GAB2: variants seen among roughly 807,000 people sequenced by gnomAD.
GAB2 encodes the protein GRB2 associated binding protein 2.
A neutral mutation model predicts 65.5 loss-of-function variants in GAB2; 26 were observed. The ratio of observed to expected loss-of-function variants is 0.40; its 90% CI spans 0.29 to 0.55. The LOEUF (loss-of-function observed/expected upper bound fraction) is 0.55, where lower values mean the gene tolerates loss of function less well. Ranked by LOEUF, GAB2 falls within the 20% of genes least tolerant of loss-of-function variation. The pLI is 0.53. For synonymous variants in GAB2, 321 were observed against 329.6 expected (o/e 0.97, Z 0.28); for missense variants, 884 against 875.8 (o/e 1.01, Z -0.12).
rs543448369 is a variant in GAB2 at position 78,291,736 on chromosome 11, A to AT, written c.76-10836_76-10835insA. On this transcript the variant is annotated intron_variant, in intron 1 of 9. Transcript: ENST00000361507. ...ACAGGATGCGCCATCATACCCAGTT[A>AT]ATTTTTTTTTTTAGAGATGGAGTCT... is the stretch of plus-strand genomic sequence containing the variant. Among the ~76,000 whole-genome samples the AT allele has an allele frequency of 4.9e-3, 659 of 133,380 alleles. 3 individuals are homozygous for AT. The highest frequency in any genetic ancestry group is 0.02 in the African/African-American group (639 of 32,084). The allele number at this position is 133,380 out of a possible 152,430, so 87.5% of individuals were successfully genotyped here.
At chr11:78,341,536 T>C (rs1287802158) in intron 1 of GAB2, among the ~76,000 whole-genome samples, 1 of 152,212 alleles carries the variant, frequency 6.6e-6, no homozygotes, top group African/African-American at 2.4e-5. Context: ...GAAGCAACCA[T>C]AATGATCCTG....
intron 1 of GAB2, among the ~76,000 whole-genome samples, chr11:78,375,145 A>G (rs1384861151): frequency 1.3e-5 from 2 of 152,178 alleles, no homozygotes; most frequent in East Asian, 3.8e-4. Flanking sequence ...CCTGGGCTCA[A>G]GCAATCCTCC....
chr11:78,280,400 A>G (rs1020973191), intron 2 of GAB2: 2 of 594,430 alleles, frequency 3.4e-6, no homozygotes, highest in African/African-American at 3.7e-5. Context: ...CAACCCCAAC[A>G]CTTTTTTTTG....
intron 2 of GAB2, among the ~76,000 whole-genome samples, chr11:78,276,111 C>CAAAAAAA (rs539148797): frequency 3.1e-5 from 3 of 97,356 alleles, no homozygotes; most frequent in Non-Finnish European, 6.4e-5. Context: ...AAGACTGTCT[C>CAAAAAAA]AAAAAAAAAA....
chr11:78,417,595 A>C (rs1392451146), intron 1 of GAB2, 51 bp downstream of exon 1: 2 of 935,832 alleles, frequency 2.1e-6, no homozygotes, highest in Non-Finnish European at 2.7e-6. Context: ...GCCCCTCCGC[A>C]GGCCCCGGAG....
At chr11:78,366,080 G>A (rs1856493328) in intron 1 of GAB2, among the ~76,000 whole-genome samples, 1 of 152,144 alleles carries the variant, frequency 6.6e-6, no homozygotes, top group Non-Finnish European at 1.5e-5. Flanking sequence ...TAAACTATAA[G>A]GTGGTGTAGA....
chr11:78,379,755 C>T (rs578198096), intron 1 of GAB2, among the ~76,000 whole-genome samples: 1 of 152,298 alleles, frequency 6.6e-6, no homozygotes, highest in East Asian at 1.9e-4. Context: ...TGAACAAATA[C>T]AACCCTGAAC....
intron 2 of GAB2, among the ~76,000 whole-genome samples, chr11:78,254,882 C>T (rs1865555370): frequency 6.6e-6 from 1 of 151,896 alleles, no homozygotes; most frequent in African/African-American, 2.4e-5. Flanking sequence ...CTAAAACTTG[C>T]CAAAATCCCA....
intron 1 of GAB2, among the ~76,000 whole-genome samples, chr11:78,380,604 C>T (rs1222161575): frequency 1.3e-5 from 2 of 152,192 alleles, no homozygotes; most frequent in African/African-American, 4.8e-5. Flanking sequence ...CCTAAATCTA[C>T]ATTTTCCACT....
intron 1 of GAB2, among the ~76,000 whole-genome samples, chr11:78,346,581 A>G (rs1482664828): frequency 6.7e-6 from 1 of 149,906 alleles, no homozygotes; most frequent in Non-Finnish European, 1.5e-5. Context: ...GCCTGAGAAG[A>G]GAAGAGAAGA....
intron 1 of GAB2, among the ~76,000 whole-genome samples, chr11:78,401,505 C>CCTGTGTGTGTGTGTGTGTGTGT (rs1555000328): frequency 8.0e-6 from 1 of 124,936 alleles, no homozygotes; most frequent in African/African-American, 3.0e-5. Context: ...GAACAGTATT[C>CCTGTGTGTGTGTGTGTGTGTGT]GTGTGTGTGT....
chr11:78,280,980 G>T lies in GAB2; in HGVS notation c.76-79C>A, dbSNP rs1255925051. 4 of 1,219,262 alleles carry T rather than the reference G, an allele frequency of 3.3e-6. No individual in the cohort carries two copies. The East Asian group carries it at 7.0e-5, about 21-fold the overall frequency. The allele number at this position is 1,219,262 out of a possible 1,614,324, so 75.5% of individuals were successfully genotyped here. On this transcript the variant is annotated intron_variant, in intron 1 of 9. Coordinates refer to ENST00000361507, the MANE Select transcript of GAB2 (RefSeq NM_080491.3). ...CAAAGCTTTTTTCTTTCAGAGACAG[G>T]TCTTGCCCTGTTGCCCAGGCTGGAG... is the stretch of plus-strand genomic sequence containing the variant.
At position 78,236,468 on chromosome 11, in the gene GAB2, C is replaced by T. The variant is rs545366766; in HGVS notation, c.621-9417G>A. Among the ~76,000 whole-genome samples, 4 of 152,198 alleles carry T rather than the reference C, an allele frequency of 2.6e-5. No individual in the cohort carries two copies. In the East Asian group the frequency reaches 7.7e-4, roughly 29 times the overall value. On this transcript the variant is annotated intron_variant, in intron 3 of 9. Transcript: ENST00000361507. ...ACCAGGACTCTTATTTATTTTTCTT[C>T]CTCCATGGAACTGATGAGAATCTCC...
intron 1 of GAB2, among the ~76,000 whole-genome samples, chr11:78,289,954 A>C (rs1192178403): frequency 6.6e-6 from 1 of 151,058 alleles, no homozygotes; most frequent in African/African-American, 2.4e-5. Flanking sequence ...GGAAAGGAAG[A>C]GTTTGGAGGT....
chr11:78,290,463 G>T (rs1344759989), intron 1 of GAB2, among the ~76,000 whole-genome samples: 1 of 152,196 alleles, frequency 6.6e-6, no homozygotes, highest in East Asian at 1.9e-4. Context: ...GACAGTACAT[G>T]TCACATGAAC....
chr11:78,227,054 A>T lies in GAB2; in HGVS notation c.621-3T>A, dbSNP rs766487672. The T allele has an allele frequency of 5.6e-6, 9 of 1,593,230 alleles. No homozygotes were observed. The highest frequency in any genetic ancestry group is 7.7e-6 in the Non-Finnish European group (9 of 1,165,782). ...TGCCCTGAGAGAAGCTGGCACTCCT[A>T]AAAGAGAAAGAAGGGAAAGGGCAGG... On this transcript the variant is annotated splice_polypyrimidine_tract_variant and splice_region_variant and intron_variant, in intron 3 of 9. Coordinates refer to ENST00000361507, the MANE Select transcript of GAB2 (RefSeq NM_080491.3).
At chr11:78,260,948 C>A (rs1865711473) in intron 2 of GAB2, among the ~76,000 whole-genome samples, 1 of 152,068 alleles carries the variant, frequency 6.6e-6, no homozygotes, top group Admixed American at 6.6e-5. Flanking sequence ...CCAATTAGAA[C>A]AAGGAGGTCC....
chr11:78,260,916 T>C (rs919364235), intron 2 of GAB2, among the ~76,000 whole-genome samples: 1 of 152,208 alleles, frequency 6.6e-6, no homozygotes, highest in African/African-American at 2.4e-5. Context: ...TTTAGCACAA[T>C]GTTCTATGCC....
rs1864352472 is a variant in GAB2 at position 78,220,216 on chromosome 11, G to A, written c.1887+103C>T. On this transcript the variant is annotated intron_variant, in intron 9 of 9. Coordinates refer to ENST00000361507, the MANE Select transcript of GAB2 (RefSeq NM_080491.3). ...AAGCTGGGTACTGGAGCAGGAGGGA[G>A]GCTGAGTGCTGCTGTTCAGTGTTGA... 3 of 1,209,868 alleles carry A rather than the reference G, an allele frequency of 2.5e-6. No individual in the cohort carries two copies. The Admixed American group carries it at 6.0e-5, about 24-fold the overall frequency. The allele number at this position is 1,209,868 out of a possible 1,614,324, so 74.9% of individuals were successfully genotyped here. A position where few individuals can be genotyped will look rare whatever the true frequency, so the allele number is the denominator to read the frequency against.
Sources: allele counts gnomAD v4.1 joint callset (sites outside exome capture counted in the v4.1 genomes callset), GRCh38; gene constraint gnomAD v4.1.1; transcripts MANE v1.5; gene names NCBI Gene and HGNC (gene_info 2026-07-23, HGNC 2026-07-21).